USP37: variants seen among roughly 807,000 people sequenced by gnomAD.
USP37 encodes the protein ubiquitin carboxyl-terminal hydrolase 37.
A neutral mutation model predicts 124.0 loss-of-function variants in USP37; 27 were observed. The observed-to-expected ratio is 0.22, with a 90% confidence interval of 0.16 to 0.30. The LOEUF (loss-of-function observed/expected upper bound fraction) is 0.30, where lower values mean the gene tolerates loss of function less well. Among genes scored for constraint, USP37 ranks in the 10% least tolerant of loss-of-function variants. The pLI, the probability that USP37 is intolerant of heterozygous loss-of-function variation, is 1.00. For missense variants in USP37, 889 were observed against 1,140.4 expected (o/e 0.78, Z 3.17); for synonymous variants, 365 against 388.0 (o/e 0.94, Z 0.70).
intron 15 of USP37, 43 bp from the exon 16 acceptor site, chr2:218,485,786 T>G: frequency 6.4e-7 from 1 of 1,571,376 alleles, no homozygotes; most frequent in Non-Finnish European, 8.6e-7. Context: ...TGAATCAGCA[T>G]TAGTATCTTA....
At chr2:218,497,428 C>T (rs572598891) in intron 13 of USP37, among the ~76,000 whole-genome samples, 2 of 151,712 alleles carry the variant, frequency 1.3e-5, no homozygotes, top group Non-Finnish European at 2.9e-5. Context: ...GAGTCTTGCT[C>T]TGTCACCCAG....
intron 5 of USP37, among the ~76,000 whole-genome samples, chr2:218,553,320 C>A (rs1413637497): frequency 6.6e-6 from 1 of 151,974 alleles, no homozygotes; most frequent in East Asian, 1.9e-4. Context: ...ATGTTTTCAT[C>A]TGCAACAATT....
intron 5 of USP37, among the ~76,000 whole-genome samples, chr2:218,550,829 T>A (rs1692631403): frequency 1.3e-5 from 2 of 152,204 alleles, no homozygotes; most frequent in South Asian, 2.1e-4. Context: ...AGTTTTTTTT[T>A]AATTGATTTG....
At chr2:218,485,202 T>C (rs546335234) in intron 16 of USP37, among the ~76,000 whole-genome samples, 5 of 152,166 alleles carry the variant, frequency 3.3e-5, no homozygotes, top group Non-Finnish European at 7.3e-5. Context: ...GACTAGCTAG[T>C]TCTTATAATT....
chr2:218,493,529 G>A (rs771495223), intron 14 of USP37, among the ~76,000 whole-genome samples: 1 of 151,442 alleles, frequency 6.6e-6, no homozygotes, highest in African/African-American at 2.5e-5. Flanking sequence ...AGAGTGCAAT[G>A]GCATAATCTC....
chr2:218,547,151 A>T, intron 6 of USP37, 60 bp from the exon 7 acceptor site: 1 of 1,514,144 alleles, frequency 6.6e-7, no homozygotes, highest in Non-Finnish European at 8.9e-7. Context: ...CTTTTAGAAC[A>T]GTGATTCTCC....
At chr2:218,524,434 T>C (rs1364117953) in intron 10 of USP37, among the ~76,000 whole-genome samples, 2 of 152,184 alleles carry the variant, frequency 1.3e-5, no homozygotes, top group Admixed American at 1.3e-4. Context: ...GTCTATGTAA[T>C]TGCAGCCTCC....
chr2:218,547,579 T>C (rs1419995907), intron 6 of USP37, among the ~76,000 whole-genome samples: 1 of 88,390 alleles, frequency 1.1e-5, no homozygotes, highest in Admixed American at 1.4e-4. Flanking sequence ...TTTGAATTAC[T>C]AACCAAAAAA....
At position 218,463,447 on chromosome 2, in the gene USP37, T is replaced by C. The variant is rs1690136453; in HGVS notation, c.2467-81A>G. On this transcript the variant is annotated intron_variant, in intron 21 of 25. Coordinates refer to ENST00000258399, the MANE Select transcript of USP37 (RefSeq NM_020935.3). ...TTAATGAGGATAAAATCAGTTTCTC[T>C]GGAAGCATTTGCTAAGAATGCTTTC... 18 of 1,269,892 alleles carry C rather than the reference T, an allele frequency of 1.4e-5. 1 individual carries two copies. The South Asian group carries it at 1.9e-4, about 14-fold the overall frequency. The allele number at this position is 1,269,892 out of a possible 1,614,324, so 78.7% of individuals were successfully genotyped here.
At chr2:218,467,193 CCCCCTG>C (rs1690379723) in intron 20 of USP37, among the ~76,000 whole-genome samples, 1 of 149,390 alleles carries the variant, frequency 6.7e-6, no homozygotes, top group Admixed American at 6.6e-5. Flanking sequence ...CCTTCCCCCT[CCCCCTG>C]CCCAGGCTGG....
At chr2:218,504,668 C>T (rs994681181) in intron 11 of USP37, among the ~76,000 whole-genome samples, 1 of 152,202 alleles carries the variant, frequency 6.6e-6, no homozygotes, top group Non-Finnish European at 1.5e-5. Flanking sequence ...TTCCTAGCCT[C>T]AAGTGATCCT....
chr2:218,482,293 C>T, intron 16 of USP37, 59 bp from the exon 17 acceptor site: 1 of 1,528,098 alleles, frequency 6.5e-7, no homozygotes, highest in Non-Finnish European at 8.8e-7. Context: ...ATCTTTCTTA[C>T]AGTAAAAGAG....
intron 20 of USP37, among the ~76,000 whole-genome samples, chr2:218,466,566 G>T (rs1480306585): frequency 6.6e-6 from 1 of 152,024 alleles, no homozygotes; most frequent in African/African-American, 2.4e-5. Context: ...TACAGTGATG[G>T]TTCTAAAAGT....
rs1256244894 is a variant in USP37, at chr2:218,450,441, A to AG, written c.*4488_*4489insC. On this transcript the variant is annotated 3_prime_UTR_variant, in exon 26 of 26. Transcript: ENST00000258399. ...GTCACTCTGAACATAAAGAAAAAAA[A>AG]TCATCTCACAAATAATGTGGCCACA... 5 of 152,686 alleles carry AG rather than the reference A, an allele frequency of 3.3e-5. No individual in the cohort carries two copies. In the East Asian group the frequency reaches 9.6e-4, roughly 29 times the overall value. The allele number at this position is 152,686 out of a possible 1,614,324, so 9.5% of individuals were successfully genotyped here.
At chr2:218,473,184 T>C (rs141968072) in intron 20 of USP37, 24 of 152,336 alleles carry the variant, frequency 1.6e-4, no homozygotes, top group African/African-American at 5.8e-4. Context: ...CATTGCCACA[T>C]ATTACCTCTT....
intron 2 of USP37, among the ~76,000 whole-genome samples, chr2:218,561,954 T>C (rs925834633): frequency 6.6e-6 from 1 of 152,240 alleles, no homozygotes; most frequent in African/African-American, 2.4e-5. Context: ...AGGATTTTTA[T>C]GTGTTCTCCC....
intron 1 of USP37, among the ~76,000 whole-genome samples, chr2:218,563,282 C>T (rs981344701): frequency 3.3e-5 from 5 of 151,848 alleles, no homozygotes; most frequent in Non-Finnish European, 4.4e-5. Flanking sequence ...CACACAGAGA[C>T]ACACATAAAA....
chr2:218,485,635 C>CAAAAAAAAAA, intron 16 of USP37, 29 bp downstream of exon 16: 6 of 1,295,300 alleles, frequency 4.6e-6, no homozygotes, highest in Admixed American at 3.2e-5. Context: ...TAGTCCATAG[C>CAAAAAAAAAA]AAAAAAAAAA....
rs192765987 is a variant in USP37 at position 218,511,879 on chromosome 2, C to A, written c.864-1739G>T. 4.0e-3 allele frequency among the ~76,000 whole-genome samples: 599 copies of A among 151,418 alleles called. 1 individual carries two copies. Among genetic ancestry groups the A allele is most frequent in the Non-Finnish European group, 6.0e-3 (409 of 67,936 alleles). ...GAAATCATCTTGTACCATAAGAGCA[C>A]AGAAATTTTTTCCTGTATTTTCTCT... On this transcript the variant is annotated intron_variant, in intron 10 of 25. Transcript: ENST00000258399.
Sources: allele counts gnomAD v4.1 joint callset (sites outside exome capture counted in the v4.1 genomes callset), GRCh38; gene constraint gnomAD v4.1.1; transcripts MANE v1.5; gene names NCBI Gene and HGNC (gene_info 2026-07-23, HGNC 2026-07-21).